The following CDH2 variants were observed in gnomAD, a reference collection of about 807,000 sequenced individuals.
CDH2 encodes the protein cadherin 2.
Under a neutral mutation model 92.0 loss-of-function variants are expected in CDH2, and 17 were observed. The ratio of observed to expected loss-of-function variants is 0.18; its 90% CI spans 0.13 to 0.28. The LOEUF is 0.28. CDH2 is among the 10% of genes least tolerant of loss of function. The pLI is 1.00. For synonymous variants in CDH2, 419 were observed against 415.9 expected (o/e 1.01, Z -0.09); for missense variants, 862 against 1,133.1 (o/e 0.76, Z 3.44).
chr18:28,033,491 G>T (rs537665811), intron 2 of CDH2, among the ~76,000 whole-genome samples: 1 of 152,134 alleles, frequency 6.6e-6, no homozygotes, highest in South Asian at 2.1e-4. Flanking sequence ...GTGTGTGTGT[G>T]TATGTGTATG....
intron 2 of CDH2, among the ~76,000 whole-genome samples, chr18:28,049,335 G>T (rs500643): frequency 0.54 from 81,874 of 151,974 alleles, 22,840 homozygotes; most frequent in African/African-American, 0.69. Context: ...CGATGGTTGC[G>T]ATATGGCTAT....
chr18:27,955,761 G>GTTTTTTTGTTTTTTTTT (rs2011229961), intron 15 of CDH2, among the ~76,000 whole-genome samples: 2 of 111,714 alleles, frequency 1.8e-5, no homozygotes, highest in African/African-American at 7.1e-5. Context: ...CTTTATTTCT[G>GTTTTTTTGTTTTTTTTT]TTTTTTTTTT....
intron 1 of CDH2, among the ~76,000 whole-genome samples, chr18:28,149,046 C>T (rs895154693): frequency 6.6e-6 from 1 of 152,076 alleles, no homozygotes; most frequent in African/African-American, 2.4e-5. Context: ...CTGTTATGTG[C>T]AAGAAAGGGC....
intron 14 of CDH2, among the ~76,000 whole-genome samples, chr18:27,972,841 T>C (rs17462773): frequency 0.21 from 32,674 of 151,988 alleles, 3,779 homozygotes; most frequent in East Asian, 0.44. Flanking sequence ...AAGCTCAAAA[T>C]AGAGGTAGAC....
chr18:28,082,224 T>C (rs72882695), intron 2 of CDH2, among the ~76,000 whole-genome samples: 2,133 of 151,372 alleles, frequency 0.014, 32 homozygotes, highest in Non-Finnish European at 0.018. Flanking sequence ...CTGGGAAATA[T>C]ATGGAGACTC....
chr18:28,012,036 AT>A, intron 3 of CDH2, 44 bp from the exon 4 acceptor site: 1 of 1,529,218 alleles, frequency 6.5e-7, no homozygotes, highest in South Asian at 1.2e-5. Context: ...TAGGAAACAC[AT>A]TTTCTGAAAG....
chr18:28,155,474 C>T (rs773645668), intron 1 of CDH2, among the ~76,000 whole-genome samples: 1 of 152,010 alleles, frequency 6.6e-6, no homozygotes, highest in African/African-American at 2.4e-5. Context: ...AGAAGGAATA[C>T]CGTAAAGAAA....
At chr18:27,945,660 T>C (rs1244098987) in intron 6 of CDH2, among the ~76,000 whole-genome samples, 3 of 152,122 alleles carry the variant, frequency 2.0e-5, no homozygotes, top group Non-Finnish European at 4.4e-5. Context: ...TCAGGGTCCA[T>C]TAACACGCTG....
intron 2 of CDH2, among the ~76,000 whole-genome samples, chr18:28,035,058 G>A (rs1221770057): frequency 6.6e-6 from 1 of 152,020 alleles, no homozygotes; most frequent in Non-Finnish European, 1.5e-5. Context: ...TTATCATTTT[G>A]GTAGGATAAA....
chr18:27,943,505 T>C (rs1023911897), intron 6 of CDH2, among the ~76,000 whole-genome samples: 2 of 152,236 alleles, frequency 1.3e-5, no homozygotes, highest in Non-Finnish European at 2.9e-5. Context: ...TTCACACAAC[T>C]ACAGCACCTT....
At chr18:28,133,487 C>A (rs1407104817) in intron 2 of CDH2, among the ~76,000 whole-genome samples, 1 of 145,460 alleles carries the variant, frequency 6.9e-6, no homozygotes, top group African/African-American at 2.6e-5. Flanking sequence ...GAGGCTGAGG[C>A]AGGAGAATCG....
chr18:28,005,149 C>G (rs895097087), intron 6 of CDH2, among the ~76,000 whole-genome samples: 1 of 152,202 alleles, frequency 6.6e-6, no homozygotes, highest in Non-Finnish European at 1.5e-5. Flanking sequence ...TTTCTAGCGG[C>G]CTGGCTTTTC....
chr18:27,980,794 C>CAAA (rs777659826), intron 14 of CDH2, among the ~76,000 whole-genome samples: 5 of 75,054 alleles, frequency 6.7e-5, no homozygotes, highest in Non-Finnish European at 9.1e-5. Context: ...TGGCTGGGGT[C>CAAA]AAAAAAAAAA....
intron 2 of CDH2, among the ~76,000 whole-genome samples, chr18:28,018,873 T>TTATA (rs56721321): frequency 0.024 from 3,552 of 146,250 alleles, 55 homozygotes; most frequent in South Asian, 0.052. Context: ...GCACACACGT[T>TTATA]TATATATATA....
intron 2 of CDH2, among the ~76,000 whole-genome samples, chr18:28,133,581 C>CA (rs765999292): frequency 0.073 from 3,353 of 45,724 alleles, 208 homozygotes; most frequent in Admixed American, 0.098. Flanking sequence ...GACTCTGTCT[C>CA]AAAAAAAAAA....
At chr18:28,132,850 G>C (rs2015794979) in intron 2 of CDH2, among the ~76,000 whole-genome samples, 1 of 152,128 alleles carries the variant, frequency 6.6e-6, no homozygotes, top group Non-Finnish European at 1.5e-5. Context: ...TAATTCTCCT[G>C]CATAGGTCTA....
At chr18:28,153,848 C>G (rs1332638749) in intron 1 of CDH2, among the ~76,000 whole-genome samples, 1 of 152,186 alleles carries the variant, frequency 6.6e-6, no homozygotes, top group Non-Finnish European at 1.5e-5. Flanking sequence ...ATTGGGGCAA[C>G]ACGAATCCAA....
intron 15 of CDH2, among the ~76,000 whole-genome samples, chr18:27,957,465 C>T (rs563233787): frequency 2.6e-5 from 4 of 151,544 alleles, no homozygotes; most frequent in African/African-American, 7.3e-5. Context: ...TTGCTGAAGT[C>T]GGTCTCAAAC....
At position 28,006,007 on chromosome 18, in the gene CDH2, T is replaced by C; in HGVS notation, c.703-14A>G. ...ATGTGCCCTCAACTGCAAAAGTAAT[T>C]AGAAAACAACTATTTAACAGATTTA... On this transcript the variant is annotated splice_polypyrimidine_tract_variant and intron_variant, in intron 5 of 15. Transcript: ENST00000269141. The C allele has an allele frequency of 6.3e-7, 1 of 1,598,250 alleles. No homozygotes were observed. Among genetic ancestry groups the C allele is most frequent in the East Asian group, 2.2e-5 (1 of 44,604 alleles).
Sources: gnomAD v4.1 joint callset for allele counts (sites outside exome capture counted in the v4.1 genomes callset) on GRCh38, gnomAD v4.1.1 for gene constraint, MANE v1.5 for transcripts, NCBI Gene and HGNC (gene_info 2026-07-23, HGNC 2026-07-21) for gene names.